CTNS: variants seen among roughly 807,000 people sequenced by gnomAD.
CTNS encodes the protein cystinosin.
A neutral mutation model predicts 43.7 loss-of-function variants in CTNS; 27 were observed. The ratio of observed to expected loss-of-function variants is 0.62; its 90% CI spans 0.46 to 0.85. The LOEUF (loss-of-function observed/expected upper bound fraction) is 0.85. Among genes scored for constraint, CTNS ranks in the 40% least tolerant of loss-of-function variants. The pLI is 0.00. For missense variants in CTNS, 457 were observed against 475.4 expected, an observed-to-expected ratio of 0.96 and a Z score of 0.36; for synonymous variants, 187 against 190.6, an observed-to-expected ratio of 0.98 and a Z score of 0.16.
At chr17:3,648,714 C>G in intron 4 of CTNS, 133 bp from the exon 5 acceptor site, 1 of 776,586 alleles carries the variant, frequency 1.3e-6, no homozygotes, top group Non-Finnish European at 2.3e-6. Flanking sequence ...CCTGGCTACC[C>G]ATCAGGGTGG....
intron 3 of CTNS, among the ~76,000 whole-genome samples, chr17:3,640,626 A>T (rs1207741245): frequency 6.6e-6 from 1 of 152,280 alleles, no homozygotes; most frequent in African/African-American, 2.4e-5. Flanking sequence ...AGGCTGGAGC[A>T]GTGGCTCACG....
intron 2 of CTNS, among the ~76,000 whole-genome samples, chr17:3,639,897 T>G (rs1439768083): frequency 1.3e-5 from 2 of 152,158 alleles, no homozygotes; most frequent in African/African-American, 4.8e-5. Context: ...GCTAACTAAG[T>G]TTTTACAAAA....
intron 5 of CTNS, among the ~76,000 whole-genome samples, chr17:3,653,745 A>G (rs1458262978): frequency 2.0e-5 from 3 of 152,070 alleles, no homozygotes; most frequent in East Asian, 1.9e-4. Context: ...ACGTGGTGGC[A>G]CACGCCTATA....
chr17:3,651,023 G>A (rs2075968992), intron 5 of CTNS, among the ~76,000 whole-genome samples: 1 of 151,894 alleles, frequency 6.6e-6, no homozygotes, highest in Non-Finnish European at 1.5e-5. Context: ...GGCTGGTCTT[G>A]AACTCCTGAC....
intron 3 of CTNS, among the ~76,000 whole-genome samples, chr17:3,642,003 G>C (rs1386395537): frequency 2.7e-5 from 4 of 150,798 alleles, no homozygotes; most frequent in East Asian, 3.9e-4. Context: ...GCATGTGCGT[G>C]TGCCTGGGAG....
Position 3,662,514 on chromosome 17 carries a change from G to A in CTNS, c.*2145G>A, listed in dbSNP as rs2142989273. 6.6e-6 allele frequency among the ~76,000 whole-genome samples: 1 copy of A among 152,156 alleles called. No homozygotes were observed. The highest frequency in any genetic ancestry group is 2.1e-4 in the South Asian group (1 of 4,816). The stretch of plus-strand genomic sequence containing the variant: ...GATACACGGAGTGCCCTTATAGGCA[G>A]GGAGTCTTATAGGCAGGGGTCTCTC... On this transcript the variant is annotated 3_prime_UTR_variant, in exon 12 of 12. Coordinates refer to ENST00000046640, the MANE Select transcript of CTNS (RefSeq NM_004937.3).
intron 3 of CTNS, among the ~76,000 whole-genome samples, chr17:3,645,493 G>C (rs1020719394): frequency 2.6e-5 from 4 of 152,108 alleles, no homozygotes; most frequent in African/African-American, 4.8e-5. Flanking sequence ...GAGGAGACGA[G>C]GTTACAGAGG....
At chr17:3,660,078 C>T in intron 11 of CTNS, 103 bp downstream of exon 11, 1 of 1,438,146 alleles carries the variant, frequency 7.0e-7, no homozygotes, top group East Asian at 2.3e-5. Flanking sequence ...ACCTGGGATC[C>T]AAGCCAATCC....
At chr17:3,647,402 C>G (rs1249282474) in intron 3 of CTNS, 42 bp from the exon 4 acceptor site, 1 of 1,566,444 alleles carries the variant, frequency 6.4e-7, no homozygotes, top group Non-Finnish European at 8.8e-7. Flanking sequence ...CAGGCCTGAA[C>G]TCTGACCCAG....
intron 2 of CTNS, among the ~76,000 whole-genome samples, chr17:3,639,680 AT>A (rs921912057): frequency 6.7e-6 from 1 of 149,186 alleles, no homozygotes; most frequent in African/African-American, 2.6e-5. Context: ...AAAAAAAAAA[AT>A]TTAAATATGT....
chr17:3,653,890 A>AT (rs11481517), intron 5 of CTNS, among the ~76,000 whole-genome samples: 6 of 148,716 alleles, frequency 4.0e-5, no homozygotes. Flanking sequence ...GGAAAAATAA[A>AT]GTCTCAGCAG....
chr17:3,647,750 G>A, intron 4 of CTNS: 1 of 606,798 alleles, frequency 1.6e-6, no homozygotes, highest in African/African-American at 1.8e-5. Context: ...GAAGGAAGGG[G>A]TGCTTCTCCC....
intron 5 of CTNS, chr17:3,650,075 C>A: frequency 6.9e-7 from 1 of 1,457,380 alleles, no homozygotes. Context: ...TATTAATTAG[C>A]TTGATTTAGT....
chr17:3,657,267 G>T lies in CTNS; in HGVS notation c.681+472G>T, dbSNP rs186694717. On this transcript the variant is annotated intron_variant, in intron 9 of 11. Transcript: ENST00000046640. ...CATTTGAGAGGGACCCTGAGCAGGC[G>T]GGTGCAGCTGGGCTTCAGGGTGCCA... Among the ~76,000 whole-genome samples, 6 of 152,312 alleles carry T rather than the reference G, an allele frequency of 3.9e-5. No individual in the cohort carries two copies. In the East Asian group the frequency reaches 7.7e-4, roughly 20 times the overall value.
rs1031976681 is a variant in CTNS at position 3,661,759 on chromosome 17, C to T, written c.*1390C>T. ...CCAGGCTCCGTGTCTTCACGGTTACCAGGGCACGCCACTCAATCTGGATGT... is the reference window on the plus strand; with the variant it reads ...CCAGGCTCCGTGTCTTCACGGTTACTAGGGCACGCCACTCAATCTGGATGT... On this transcript the variant is annotated 3_prime_UTR_variant, in exon 12 of 12. Transcript: ENST00000046640. Among the ~76,000 whole-genome samples the T allele has an allele frequency of 1.6e-4, 24 of 152,310 alleles. No homozygotes were observed. Among genetic ancestry groups the T allele is most frequent in the African/African-American group, 5.5e-4 (23 of 41,556 alleles).
rs2076289549 is a variant in CTNS, at chr17:3,662,353, TTGGCAGTGCTAGGTA to T, written c.*1985_*1999del. Reference sequence around the variant, plus strand: ...TATTGACTTTTCTTTAAAATCTGATTTGGCAGTGCTAGGTAGGTCCAGGAGTGCTAACACCTTCCC... The same window carrying T: ...TATTGACTTTTCTTTAAAATCTGATTGGTCCAGGAGTGCTAACACCTTCCC... On this transcript the variant is annotated 3_prime_UTR_variant, in exon 12 of 12. Transcript: ENST00000046640. Among the ~76,000 whole-genome samples, 2 of 152,242 alleles carry T rather than the reference TTGGCAGTGCTAGGTA, an allele frequency of 1.3e-5. No homozygotes were observed. The highest frequency in any genetic ancestry group is 4.8e-5 in the African/African-American group (2 of 41,530).
intron 2 of CTNS, among the ~76,000 whole-genome samples, chr17:3,638,731 A>T (rs1597591877): frequency 6.6e-6 from 1 of 152,200 alleles, no homozygotes; most frequent in African/African-American, 2.4e-5. Context: ...GTCCTGGGCA[A>T]CAAACTGAAT....
At chr17:3,655,727 ACCTTG>A (rs1429036531) in intron 7 of CTNS, 217 of 335,408 alleles carry the variant, frequency 6.5e-4, no homozygotes, top group African/African-American at 4.5e-3. Flanking sequence ...AAGCTGTCCC[ACCTTG>A]ACTTGCAAAG....
chr17:3,659,134 G>C (rs968644743), intron 10 of CTNS, among the ~76,000 whole-genome samples: 1 of 152,156 alleles, frequency 6.6e-6, no homozygotes, highest in African/African-American at 2.4e-5. Context: ...CCGGGACACA[G>C]ACAGGGACTG....
Sources: allele counts gnomAD v4.1 joint callset (sites outside exome capture counted in the v4.1 genomes callset), GRCh38; gene constraint gnomAD v4.1.1; transcripts MANE v1.5; gene names NCBI Gene and HGNC (gene_info 2026-07-23, HGNC 2026-07-21).